The following PTER variants were observed in gnomAD, a reference collection of about 807,000 sequenced individuals.
PTER encodes N-acetyltaurine hydrolase.
Under a neutral mutation model 29.6 loss-of-function variants are expected in PTER, and 38 were observed. The observed-to-expected ratio is 1.28, with a 90% CI of 0.99 to 1.68. The LOEUF (loss-of-function observed/expected upper bound fraction) is 1.68, where lower values mean the gene tolerates loss of function less well. Among genes scored for constraint, PTER ranks in the 40% most tolerant of loss-of-function variants. The pLI, the probability that PTER is intolerant of heterozygous loss-of-function variation, is 0.00. For synonymous variants in PTER, 172 were observed against 154.5 expected (o/e 1.11, Z -0.84); for missense variants, 482 against 427.8 (o/e 1.13, Z -1.12).
At chr10:16,484,304 A>G (rs1219202564) in intron 1 of PTER, 33 bp from the exon 2 acceptor site, 5 of 1,327,650 alleles carry the variant, frequency 3.8e-6, no homozygotes, top group Admixed American at 4.6e-5. Context: ...AAATATTCTG[A>G]TTGTAGTTGT....
chr10:16,483,311 G>C (rs1003771407), intron 1 of PTER, among the ~76,000 whole-genome samples: 1 of 152,116 alleles, frequency 6.6e-6, no homozygotes, highest in Non-Finnish European at 1.5e-5. Context: ...TTGCTTTTCA[G>C]TATTTTTGAA....
chr10:16,482,198 A>G (rs1380840893), intron 1 of PTER, among the ~76,000 whole-genome samples: 1 of 152,220 alleles, frequency 6.6e-6, no homozygotes, highest in South Asian at 2.1e-4. Context: ...TTATAAGCCA[A>G]TATATCGCAA....
intron 2 of PTER, among the ~76,000 whole-genome samples, chr10:16,485,588 A>G (rs757465087): frequency 9.2e-5 from 14 of 151,740 alleles, no homozygotes; most frequent in Non-Finnish European, 1.9e-4. Flanking sequence ...GTATTTCAAA[A>G]TTTTTTCTGC....
chr10:16,507,407 G>T (rs1836616878), intron 4 of PTER, among the ~76,000 whole-genome samples: 1 of 152,100 alleles, frequency 6.6e-6, no homozygotes, highest in Non-Finnish European at 1.5e-5. Context: ...ATATAATTAT[G>T]AGAACAGAAA....
At chr10:16,509,985 T>C (rs530324819) in intron 4 of PTER, among the ~76,000 whole-genome samples, 5 of 152,308 alleles carry the variant, frequency 3.3e-5, no homozygotes, top group African/African-American at 1.2e-4. Context: ...ATATGACTCA[T>C]GTACTAGGAC....
rs558401095 is a variant in PTER, at chr10:16,511,953, T to C, written c.*697T>C. ...AAGAACACATAACACTACTGAATTATAAAAATTCAATCATAAAAGTCAAAA... is the reference window on the plus strand; with the variant it reads ...AAGAACACATAACACTACTGAATTACAAAAATTCAATCATAAAAGTCAAAA... On this transcript the variant is annotated 3_prime_UTR_variant, in exon 5 of 5. Transcript: ENST00000535784. The C allele has an allele frequency of 6.6e-6, 1 of 152,322 alleles. No homozygotes were observed. The highest frequency in any genetic ancestry group is 2.4e-5 in the African/African-American group (1 of 41,426). 9.4% of individuals were successfully genotyped at this position (152,322 alleles called of 1,614,324 possible). A position where few individuals can be genotyped will look rare whatever the true frequency, so the allele number is the denominator to read the frequency against.
At chr10:16,452,808 A>G (rs1050825324) in intron 1 of PTER, among the ~76,000 whole-genome samples, 2 of 152,044 alleles carry the variant, frequency 1.3e-5, no homozygotes, top group African/African-American at 2.4e-5. Context: ...GCTGGAGTGC[A>G]GTGGCATGAT....
intron 1 of PTER, among the ~76,000 whole-genome samples, chr10:16,452,389 C>G (rs116679436): frequency 0.018 from 2,709 of 151,246 alleles, 89 homozygotes; most frequent in African/African-American, 0.063. Context: ...CTGCATCTCT[C>G]AGGCTCAAGC....
intron 1 of PTER, among the ~76,000 whole-genome samples, chr10:16,455,231 A>G (rs919415313): frequency 6.6e-5 from 10 of 152,140 alleles, no homozygotes; most frequent in Non-Finnish European, 1.0e-4. Flanking sequence ...CCTGTCTCAA[A>G]ACAAAACAAA....
intron 1 of PTER, among the ~76,000 whole-genome samples, chr10:16,466,558 G>C (rs1323698640): frequency 6.6e-6 from 1 of 152,206 alleles, no homozygotes; most frequent in African/African-American, 2.4e-5. Flanking sequence ...GTCTTGCCAT[G>C]TTGGCCAGGC....
rs777223464 is a variant in PTER, at chr10:16,505,032, T to A, written c.711T>A (p.Asp237Glu). The change falls in exon 4 of 5, where the codon GAT becomes GAA. Residue 237 changes from aspartate to glutamate, a missense_variant. Asp to Glu is a conservative substitution (Grantham distance 45). Transcript: ENST00000535784. ...VMSHLDRTIL[D>E]KKELLEFAQL... ...GCATTGTTTCTAGGACTATTCTTGA[T>A]AAGAAAGAGCTCTTGGAGTTTGCTC... 8 of 1,613,948 alleles carry A rather than the reference T, an allele frequency of 5.0e-6. No homozygotes were observed. The Admixed American group carries it at 6.7e-5, about 13-fold the overall frequency.
At chr10:16,493,359 A>G (rs1835973344) in intron 3 of PTER, among the ~76,000 whole-genome samples, 1 of 152,192 alleles carries the variant, frequency 6.6e-6, no homozygotes, top group South Asian at 2.1e-4. Context: ...TGCTATGTGC[A>G]TGTATTTGTT....
downstream of PTER, among the ~76,000 whole-genome samples, chr10:16,517,455 C>T (rs1170139935): frequency 6.6e-6 from 1 of 152,108 alleles, no homozygotes; most frequent in Non-Finnish European, 1.5e-5. Flanking sequence ...TATTAGTTTT[C>T]ATTCGAGTGG....
At chr10:16,466,688 G>A (rs10904743) in intron 1 of PTER, among the ~76,000 whole-genome samples, 92,019 of 151,540 alleles carry the variant, frequency 0.61, 28,734 homozygotes, top group East Asian at 0.81. Context: ...AACAAAACGT[G>A]GTAGCCAAAA....
At chr10:16,487,193 A>G (rs1407474205) in intron 3 of PTER, among the ~76,000 whole-genome samples, 1 of 152,210 alleles carries the variant, frequency 6.6e-6, no homozygotes, top group Non-Finnish European at 1.5e-5. Flanking sequence ...TGCTACTGTA[A>G]CAAGTTATCA....
intron 1 of PTER, among the ~76,000 whole-genome samples, chr10:16,466,724 C>T (rs576369687): frequency 3.9e-5 from 6 of 152,280 alleles, no homozygotes; most frequent in East Asian, 3.9e-4. Context: ...GAGAGTCTAC[C>T]GTGTGATCTT....
At chr10:16,453,604 T>A (rs1176373641) in intron 1 of PTER, among the ~76,000 whole-genome samples, 1 of 152,214 alleles carries the variant, frequency 6.6e-6, no homozygotes, top group Non-Finnish European at 1.5e-5. Flanking sequence ...ATTTCATGCA[T>A]CTGTTAGTAA....
chr10:16,449,090 G>A lies in PTER; in HGVS notation c.-49+12043G>A, dbSNP rs537628964. On this transcript the variant is annotated intron_variant, in intron 1 of 4. Transcript: ENST00000535784. ...ATGTGGTGGGAATCACCACCCCTGCGTCTTTCACGTCCTTGATGGTGGCAC... is the reference window on the plus strand; with the variant it reads ...ATGTGGTGGGAATCACCACCCCTGCATCTTTCACGTCCTTGATGGTGGCAC... Among the ~76,000 whole-genome samples, 257 of 152,158 alleles carry A rather than the reference G, an allele frequency of 1.7e-3. 2 individuals carry two copies. The highest frequency in any genetic ancestry group is 6.0e-3 in the African/African-American group (247 of 41,444).
chr10:16,470,500 G>A (rs1835006318), intron 1 of PTER, among the ~76,000 whole-genome samples: 1 of 152,240 alleles, frequency 6.6e-6, no homozygotes. Context: ...GGGAGCGGTG[G>A]CTCACGCCTG....
Sources: allele counts gnomAD v4.1 joint callset (sites outside exome capture counted in the v4.1 genomes callset), GRCh38; gene constraint gnomAD v4.1.1; transcripts MANE v1.5; gene names NCBI Gene and HGNC (gene_info 2026-07-23, HGNC 2026-07-21).